Variants in PRKCZ observed in about 807,000 individuals in gnomAD.
The protein encoded by PRKCZ is protein kinase C zeta type.
PRKCZ carries 33 observed loss-of-function variants against 79.5 expected under a neutral mutation model. The observed-to-expected ratio is 0.41, with a 90% confidence interval of 0.31 to 0.55. The LOEUF is 0.55. Among genes scored for constraint, PRKCZ ranks in the 20% least tolerant of loss-of-function variants. PRKCZ has a pLI of 0.19. For synonymous variants in PRKCZ, 342 were observed against 320.9 expected (o/e 1.07, Z -0.70); for missense variants, 578 against 813.5 (o/e 0.71, Z 3.52).
At position 2,178,423 on chromosome 1, in the gene PRKCZ, G is replaced by A. The variant is rs1439852154; in HGVS notation, c.1575+3110G>A. Among the ~76,000 whole-genome samples the A allele has an allele frequency of 6.6e-6, 1 of 152,248 alleles. No individual in the cohort carries two copies. The highest frequency in any genetic ancestry group is 2.4e-5 in the African/African-American group (1 of 41,474). ...TCCACTGCGTGGAGACTGCACCTCT[G>A]CATCCGTCCTCAGTGGACATAGGGT... On this transcript the variant is annotated intron_variant, in intron 16 of 17. Transcript: ENST00000378567. This position sits in a 1 kb window ranked among gnomAD's most constrained non-coding sequence, Gnocchi z 4.3.
Position 2,117,998 on chromosome 1 carries a change from C to CCTTTTTTTTTTTTTT in PRKCZ, c.335-17264_335-17263insCTTTTTTTTTTTTTT, listed in dbSNP as rs58233626. 1.5e-4 allele frequency among the ~76,000 whole-genome samples: 10 copies of CCTTTTTTTTTTTTTT among 65,058 alleles called. 3 individuals are homozygous for CCTTTTTTTTTTTTTT. The highest frequency in any genetic ancestry group is 5.8e-4 in the East Asian group (1 of 1,730). 42.7% of individuals were successfully genotyped at this position (65,058 alleles called of 152,430 possible). On this transcript the variant is annotated intron_variant, in intron 4 of 17. Coordinates refer to ENST00000378567, the MANE Select transcript of PRKCZ (RefSeq NM_002744.6). ...TATGAGAGAGATTAGCCTATTATTT[C>CCTTTTTTTTTTTTTT]TTTTTTTTTTTTTTTTGGAGTCTCA...
At chr1:2,086,484 G>A (rs577290223) in intron 4 of PRKCZ, among the ~76,000 whole-genome samples, 28 of 152,262 alleles carry the variant, frequency 1.8e-4, no homozygotes, top group Admixed American at 1.4e-3. Context: ...CTTGGCGAGC[G>A]GCTCCCCCCA....
At chr1:2,117,123 A>AT (rs1432614344) in intron 4 of PRKCZ, among the ~76,000 whole-genome samples, 3 of 151,662 alleles carry the variant, frequency 2.0e-5, no homozygotes, top group Non-Finnish European at 2.9e-5. Context: ...CTATTTTGGC[A>AT]TTTTTTTGTA....
intron 4 of PRKCZ, among the ~76,000 whole-genome samples, chr1:2,126,665 G>A (rs1391045453): frequency 1.3e-5 from 2 of 152,202 alleles, no homozygotes; most frequent in African/African-American, 2.4e-5. Context: ...TGGATGCAGC[G>A]GCCACAGCCT....
At chr1:2,109,181 C>G (rs1669214065) in intron 4 of PRKCZ, among the ~76,000 whole-genome samples, 2 of 152,218 alleles carry the variant, frequency 1.3e-5, no homozygotes, top group Admixed American at 1.3e-4. Context: ...GGTCCCGGGA[C>G]TTGCATGTGG....
In PRKCZ at chr1:2,165,863, AG is replaced by A. The variant is rs534549069; in HGVS notation, c.975-3652del. ...GCGAGGAGGGGGCGGCACCAAGGAC[AG>A]GGCCCACCTCCTAGGAGGTTTTGTG... On this transcript the variant is annotated intron_variant, in intron 10 of 17. Transcript: ENST00000378567. This position sits in a 1 kb window ranked among gnomAD's most constrained non-coding sequence, Gnocchi z 4.1. 2.1e-3 allele frequency among the ~76,000 whole-genome samples: 325 copies of A among 151,952 alleles called. 1 individual carries two copies. Among genetic ancestry groups the A allele is most frequent in the South Asian group, 6.7e-3 (32 of 4,800 alleles).
At chr1:2,102,130 G>A (rs1667541503) in intron 4 of PRKCZ, among the ~76,000 whole-genome samples, 1 of 152,118 alleles carries the variant, frequency 6.6e-6, no homozygotes, top group Non-Finnish European at 1.5e-5. Context: ...TGGGGGCCAG[G>A]ATCAGGAGCA....
chr1:2,150,904 C>T lies in PRKCZ; in HGVS notation c.802C>T (p.Leu268=). The change falls in exon 9 of 18, where the codon CTG becomes TTG. Residue 268 remains leucine (L), a synonymous_variant. Coordinates refer to ENST00000378567, the MANE Select transcript of PRKCZ (RefSeq NM_002744.6). ...IGRGSYAKVL[L]VRLKKNDQIY... is the part of the protein sequence containing the mutation. ...GCGCGGGAGCTACGCCAAGGTTCTC[C>T]TGGTGCGGTTGAAGAAGAATGACCA... is the stretch of plus-strand genomic sequence containing the variant. 1 of 1,614,166 alleles carries T rather than the reference C, an allele frequency of 6.2e-7. No homozygotes were observed. The highest frequency in any genetic ancestry group is 8.5e-7 in the Non-Finnish European group (1 of 1,180,042).
chr1:2,123,781 CGTG>C (rs1673107090), intron 4 of PRKCZ, among the ~76,000 whole-genome samples: 1 of 16,546 alleles, frequency 6.0e-5, no homozygotes, highest in African/African-American at 4.0e-4. Context: ...TGGTTAGGGT[CGTG>C]GCGGTGGTTA....
At chr1:2,076,059 C>A (rs558737698) in intron 4 of PRKCZ, among the ~76,000 whole-genome samples, 1 of 152,340 alleles carries the variant, frequency 6.6e-6, no homozygotes, top group East Asian at 1.9e-4. Context: ...GGAGCTTTTC[C>A]CAGGAGCTGG....
intron 4 of PRKCZ, among the ~76,000 whole-genome samples, chr1:2,085,275 C>T (rs1664286872): frequency 6.6e-6 from 1 of 152,234 alleles, no homozygotes; most frequent in Non-Finnish European, 1.5e-5. Context: ...CTGGCGTGGG[C>T]GTGAAGCTGG....
intron 5 of PRKCZ, among the ~76,000 whole-genome samples, chr1:2,139,324 T>A (rs1170944320): frequency 2.0e-5 from 3 of 152,148 alleles, no homozygotes; most frequent in Non-Finnish European, 4.4e-5. Flanking sequence ...GCGTGGTGGC[T>A]CACGCCTGTA....
intron 1 of PRKCZ, 65 bp from the exon 2 acceptor site, chr1:2,055,376 A>T: frequency 6.6e-7 from 1 of 1,523,200 alleles, no homozygotes; most frequent in Non-Finnish European, 8.8e-7. Context: ...TTAGTTGGTA[A>T]TCATTTTTTA....
rs1401824493 is a variant in PRKCZ, at chr1:2,125,587, A to C, written c.335-9675A>C. ...TGGGCTGGCTGCAAGACGTGGAGTGACTGTGGGTCCCCGTGGCCCCTGACA... is the reference window on the plus strand; with the variant it reads ...TGGGCTGGCTGCAAGACGTGGAGTGCCTGTGGGTCCCCGTGGCCCCTGACA... On this transcript the variant is annotated intron_variant, in intron 4 of 17. Coordinates refer to ENST00000378567, the MANE Select transcript of PRKCZ (RefSeq NM_002744.6). The surrounding 1 kb of genome is among the most constrained non-coding windows in gnomAD (Gnocchi z 4.2). Among the ~76,000 whole-genome samples, 3 of 152,178 alleles carry C rather than the reference A, an allele frequency of 2.0e-5. No homozygotes were observed. The highest frequency in any genetic ancestry group is 4.4e-5 in the Non-Finnish European group (3 of 68,024).
chr1:2,144,323 G>A lies in PRKCZ; in HGVS notation c.534G>A (p.Leu178=). 5.1e-6 allele frequency: 8 copies of A among 1,575,110 alleles called. No individual in the cohort carries two copies. Among genetic ancestry groups the A allele is most frequent in the Non-Finnish European group, 6.9e-6 (8 of 1,160,012 alleles). The change falls in exon 6 of 18, where the codon CTG becomes CTA. Residue 178 remains leucine, a synonymous_variant. Coordinates refer to ENST00000378567, the MANE Select transcript of PRKCZ (RefSeq NM_002744.6). The stretch of plus-strand genomic sequence containing the variant: ...AGCGCTGCCACGGCCTCGTCCCGCT[G>A]ACCTGCAGGAAGCATATGGTGAGTG... ...VHKRCHGLVP[L]TCRKHMDSVM...
chr1:2,066,002 C>T (rs1571135164), intron 4 of PRKCZ, among the ~76,000 whole-genome samples: 1 of 152,024 alleles, frequency 6.6e-6, no homozygotes, highest in South Asian at 2.1e-4. Flanking sequence ...ATGAAAAAAT[C>T]CTTCTTGCTC....
At chr1:2,048,848 G>A (rs1372374313), upstream of PRKCZ, among the ~76,000 whole-genome samples, 1 of 152,176 alleles carries the variant, frequency 6.6e-6, no homozygotes, top group African/African-American at 2.4e-5. Flanking sequence ...CCCAGGAGGG[G>A]TCTGATACCA....
intron 10 of PRKCZ, among the ~76,000 whole-genome samples, chr1:2,161,529 T>TG: frequency 6.6e-6 from 1 of 152,298 alleles, no homozygotes; most frequent in African/African-American, 2.4e-5. Flanking sequence ...CAGGGGGCCC[T>TG]GCTGTTTCCT....
chr1:2,114,852 TG>T (rs962906247), intron 4 of PRKCZ, among the ~76,000 whole-genome samples: 3 of 152,260 alleles, frequency 2.0e-5, no homozygotes, highest in Non-Finnish European at 4.4e-5. Flanking sequence ...GCTTTTCTTA[TG>T]GAAAGAATGT....
Sources: allele counts gnomAD v4.1 joint callset (sites outside exome capture counted in the v4.1 genomes callset), GRCh38; gene constraint gnomAD v4.1.1; non-coding constraint Gnocchi (gnomAD v3.1); transcripts MANE v1.5; gene names NCBI Gene and HGNC (gene_info 2026-07-23, HGNC 2026-07-21).